The following FEZ2 variants were observed in gnomAD, a reference collection of about 807,000 sequenced individuals.
FEZ2 encodes fasciculation and elongation protein zeta 2, also known as fasciculation and elongation protein zeta-2.
A neutral mutation model predicts 40.4 loss-of-function variants in FEZ2; 51 were observed. The observed-to-expected ratio is 1.26, with a 90% confidence interval of 1.01 to 1.59. FEZ2 has a LOEUF of 1.59. FEZ2 is among the 40% of genes most tolerant of loss of function. The pLI, the probability that FEZ2 is intolerant of heterozygous loss-of-function variation, is 0.00. For missense variants in FEZ2, 640 were observed against 438.3 expected, an observed-to-expected ratio of 1.46 and a Z score of -4.11; for synonymous variants, 242 against 172.0, an observed-to-expected ratio of 1.41 and a Z score of -3.18.
intron 5 of FEZ2, among the ~76,000 whole-genome samples, chr2:36,568,985 T>TG (rs1339533492): frequency 2.0e-5 from 3 of 152,184 alleles, no homozygotes; most frequent in African/African-American, 7.2e-5. Flanking sequence ...ACAACATCCT[T>TG]GCAAAGCTCA....
chr2:36,563,876 C>T lies in FEZ2; in HGVS notation c.904-5363G>A, dbSNP rs2125223319. ...CTCTCCCAGATTTCCCTCACCCCAA[C>T]CCTCCTGCTCTCTAGTTGCTTCTTC... On this transcript the variant is annotated intron_variant, in intron 5 of 7. Coordinates refer to ENST00000405912, the MANE Select transcript of FEZ2 (RefSeq NM_005102.3). Among the ~76,000 whole-genome samples the T allele has an allele frequency of 2.0e-5, 3 of 152,350 alleles. No homozygotes were observed. In the South Asian group the frequency reaches 6.2e-4, roughly 32 times the overall value.
rs148449606 is a variant in FEZ2, at chr2:36,596,648, T to C, written c.266+1229A>G. 5.0e-3 allele frequency among the ~76,000 whole-genome samples: 755 copies of C among 152,230 alleles called. 5 individuals are homozygous for C. Among genetic ancestry groups the C allele is most frequent in the African/African-American group, 0.017 (722 of 41,542 alleles). On this transcript the variant is annotated intron_variant, in intron 1 of 7. Transcript: ENST00000405912. ...TTCACTAATTTTTTTTTAATTTTTTTGTAAAGACCAGATTTCACGATATTG... is the reference window on the plus strand; with the variant it reads ...TTCACTAATTTTTTTTTAATTTTTTCGTAAAGACCAGATTTCACGATATTG...
intron 2 of FEZ2, among the ~76,000 whole-genome samples, chr2:36,585,406 T>C (rs1668873141): frequency 1.3e-5 from 2 of 152,090 alleles, no homozygotes; most frequent in Admixed American, 6.5e-5. Flanking sequence ...GTAATGATAG[T>C]AAAGTGAAAA....
chr2:36,567,549 G>A (rs1449832393), intron 5 of FEZ2, among the ~76,000 whole-genome samples: 8 of 152,034 alleles, frequency 5.3e-5, no homozygotes, highest in African/African-American at 4.8e-5. Context: ...ATCACCTGAC[G>A]TCAGGAGTTC....
At chr2:36,560,796 C>T (rs1370819578) in intron 5 of FEZ2, 1 of 1,604,740 alleles carries the variant, frequency 6.2e-7, no homozygotes, top group African/African-American at 1.3e-5. Context: ...TGTTTCTCTC[C>T]ACCTGAATTT....
At chr2:36,578,525 C>A in intron 5 of FEZ2, 72 bp downstream of exon 5, 2 of 1,505,416 alleles carry the variant, frequency 1.3e-6, no homozygotes, top group East Asian at 2.3e-5. Context: ...GCACCTGCCA[C>A]CAGCCCCAAA....
At chr2:36,574,853 G>A (rs750054137) in intron 5 of FEZ2, among the ~76,000 whole-genome samples, 28 of 152,100 alleles carry the variant, frequency 1.8e-4, no homozygotes, top group Non-Finnish European at 3.1e-4. Context: ...CTGCAAAAAA[G>A]GACAGAGGAA....
intron 5 of FEZ2, among the ~76,000 whole-genome samples, chr2:36,567,861 G>A (rs369228720): frequency 1.3e-5 from 2 of 152,102 alleles, no homozygotes; most frequent in African/African-American, 4.8e-5. Flanking sequence ...AGAGAGACCA[G>A]GGCAGTGAGA....
At chr2:36,576,973 T>C (rs528768358) in intron 5 of FEZ2, among the ~76,000 whole-genome samples, 2 of 152,336 alleles carry the variant, frequency 1.3e-5, no homozygotes, top group South Asian at 2.1e-4. Context: ...TTACCAACCA[T>C]GCTATGACTT....
chr2:36,586,052 G>C (rs1271238928), intron 2 of FEZ2, among the ~76,000 whole-genome samples: 1 of 151,992 alleles, frequency 6.6e-6, no homozygotes, highest in African/African-American at 2.4e-5. Flanking sequence ...TATGACAGCT[G>C]TTCCTTTAAT....
intron 1 of FEZ2, 151 bp downstream of exon 1, chr2:36,597,726 G>A: frequency 3.5e-6 from 2 of 564,220 alleles, no homozygotes; most frequent in South Asian, 5.1e-5. Context: ...GGCGAGCCGA[G>A]GCCGACGGCC....
chr2:36,555,929 T>C, intron 6 of FEZ2, 181 bp from the exon 7 acceptor site: 1 of 677,340 alleles, frequency 1.5e-6, no homozygotes, highest in Non-Finnish European at 2.7e-6. Flanking sequence ...TTTATTTTAG[T>C]GGAGTAAGTC....
At chr2:36,588,346 T>A (rs1253115282) in intron 2 of FEZ2, among the ~76,000 whole-genome samples, 3 of 152,164 alleles carry the variant, frequency 2.0e-5, no homozygotes, top group African/African-American at 7.2e-5. Context: ...CTTTTTAATG[T>A]CAGTACTAGC....
At chr2:36,586,822 G>C (rs1385792123) in intron 2 of FEZ2, among the ~76,000 whole-genome samples, 42 of 151,986 alleles carry the variant, frequency 2.8e-4, no homozygotes, top group Admixed American at 2.8e-3. Context: ...CGGTACTCGT[G>C]TGTAGTCTAG....
intron 7 of FEZ2, 99 bp from the exon 8 acceptor site, chr2:36,553,278 G>A (rs1027212856): frequency 4.3e-6 from 4 of 920,134 alleles, no homozygotes; most frequent in Non-Finnish European, 6.8e-6. Flanking sequence ...ATTAAGTAAT[G>A]AGAACTAAAT....
intron 5 of FEZ2, among the ~76,000 whole-genome samples, chr2:36,571,168 A>G (rs1464245963): frequency 3.3e-5 from 5 of 152,316 alleles, no homozygotes; most frequent in East Asian, 1.9e-4. Flanking sequence ...TTCCACATCT[A>G]AAGTAATTCA....
At chr2:36,563,538 C>A (rs1035978212) in intron 5 of FEZ2, among the ~76,000 whole-genome samples, 3 of 139,218 alleles carry the variant, frequency 2.2e-5, no homozygotes, top group African/African-American at 7.9e-5. Flanking sequence ...AAAAAAAAAA[C>A]TAAAATCTAC....
At chr2:36,585,806 G>T (rs1306560575) in intron 2 of FEZ2, among the ~76,000 whole-genome samples, 1 of 152,182 alleles carries the variant, frequency 6.6e-6, no homozygotes, top group Non-Finnish European at 1.5e-5. Flanking sequence ...TTTTGGGAGG[G>T]TATAGTGTCA....
chr2:36,555,013 T>G (rs374509626), intron 7 of FEZ2, among the ~76,000 whole-genome samples: 19 of 152,304 alleles, frequency 1.2e-4, no homozygotes, highest in African/African-American at 4.3e-4. Context: ...AAGTATTAAT[T>G]TTGCCTCTAA....
Sources: gnomAD v4.1 joint callset for allele counts (sites outside exome capture counted in the v4.1 genomes callset) on GRCh38, gnomAD v4.1.1 for gene constraint, MANE v1.5 for transcripts, NCBI Gene and HGNC (gene_info 2026-07-23, HGNC 2026-07-21) for gene names.